The following EIF1AY variants were observed in gnomAD, a reference collection of about 807,000 sequenced individuals.
EIF1AY encodes eukaryotic translation initiation factor 1A, Y-chromosomal.
For synonymous variants in EIF1AY, 16 were observed against 9.9 expected (o/e 1.62, Z -1.16); for missense variants, 19 against 30.6 (o/e 0.62, Z 0.89).
At chrY:20,575,912 A>G (rs1399920770) in intron 1 of EIF1AY, 25 bp downstream of exon 1, 4 of 378,494 alleles carry the variant, frequency 1.1e-5, no homozygotes, top group Non-Finnish European at 1.5e-5. Context: ...CTCTGGGACT[A>G]TACCTCGGCT....
chrY:20,590,087 GGA>G (rs1171241721), intron 6 of EIF1AY, among the ~76,000 whole-genome samples: 31 of 28,107 alleles, frequency 1.1e-3, no homozygotes, highest in Admixed American at 2.3e-3. Flanking sequence ...AGGGAGAGGG[GGA>G]GAGAGAGAGA....
chrY:20,584,253 C>T (rs368046392), intron 3 of EIF1AY, among the ~76,000 whole-genome samples: 1 of 30,008 alleles, frequency 3.3e-5, no homozygotes, highest in Non-Finnish European at 7.9e-5. Flanking sequence ...GGCCTCTCTG[C>T]GTTGCCTAGG....
intron 2 of EIF1AY, 25 bp from the exon 3 acceptor site, chrY:20,582,565 C>CT (rs745312481): frequency 3.8e-5 from 13 of 345,784 alleles, no homozygotes; most frequent in African/African-American, 2.1e-4. Flanking sequence ...AGATCTCAAC[C>CT]TTTTTTTTTA....
chrY:20,578,469 A>G (rs760590100), intron 1 of EIF1AY, among the ~76,000 whole-genome samples: 2 of 33,880 alleles, frequency 5.9e-5, no homozygotes, highest in Admixed American at 5.4e-4. Flanking sequence ...CTTTGTCCTG[A>G]CGCAGCTAAG....
intron 3 of EIF1AY, among the ~76,000 whole-genome samples, chrY:20,582,943 CCAGA>C (rs2089351950): frequency 1.2e-4 from 4 of 33,666 alleles, no homozygotes; most frequent in African/African-American, 2.3e-4. Flanking sequence ...ATTGAAGAAA[CCAGA>C]CAAATCTAAT....
intron 3 of EIF1AY, among the ~76,000 whole-genome samples, chrY:20,582,959 T>C (rs767677148): frequency 5.9e-5 from 2 of 34,012 alleles, no homozygotes; most frequent in South Asian, 1.3e-3. Flanking sequence ...AAATCTAATA[T>C]ATAACACAAA....
intron 5 of EIF1AY, chrY:20,588,321 A>T (rs2089356302): frequency 1.5e-5 from 1 of 66,988 alleles, no homozygotes; most frequent in Non-Finnish European, 2.9e-5. Context: ...TATGAACTTG[A>T]AAGTAGAAGT....
At chrY:20,592,272 CTT>C in intron 6 of EIF1AY, 67 bp from the exon 7 acceptor site, 1 of 244,609 alleles carries the variant, frequency 4.1e-6, no homozygotes, top group Non-Finnish European at 6.3e-6. Flanking sequence ...CACTGGGAGT[CTT>C]TATATGCAGT....
intron 1 of EIF1AY, among the ~76,000 whole-genome samples, chrY:20,578,596 A>G (rs991964941): frequency 5.9e-5 from 2 of 33,735 alleles, no homozygotes; most frequent in African/African-American, 2.3e-4. Flanking sequence ...TGGAAGCCCA[A>G]TTGTCTTCTA....
chrY:20,584,918 G>A, intron 4 of EIF1AY, among the ~76,000 whole-genome samples: 1 of 33,278 alleles, frequency 3.0e-5, no homozygotes, highest in African/African-American at 1.2e-4. Flanking sequence ...CCAAATGCCG[G>A]TCTGTTAAAT....
At chrY:20,576,536 G>A (rs760108587) in intron 1 of EIF1AY, among the ~76,000 whole-genome samples, 3 of 33,961 alleles carry the variant, frequency 8.8e-5, no homozygotes, top group Admixed American at 5.3e-4. Flanking sequence ...TCTAAAGTAG[G>A]AGGTCTAACC....
chrY:20,590,111 A>AGAGT (rs2089358023), intron 6 of EIF1AY, among the ~76,000 whole-genome samples: 2 of 26,825 alleles, frequency 7.5e-5, no homozygotes, highest in African/African-American at 3.0e-4. Flanking sequence ...AGAGAGAGAG[A>AGAGT]GTGTGTGTGT....
chrY:20,581,583 C>T (rs2089350699), intron 2 of EIF1AY, among the ~76,000 whole-genome samples: 1 of 32,965 alleles, frequency 3.0e-5, no homozygotes, highest in African/African-American at 1.2e-4. Context: ...GCACCCGCCT[C>T]GGCCTCCCAA....
At chrY:20,584,866 G>A in intron 4 of EIF1AY, among the ~76,000 whole-genome samples, 1 of 33,428 alleles carries the variant, frequency 3.0e-5, no homozygotes, top group African/African-American at 1.2e-4. Flanking sequence ...AAGGCCAATG[G>A]TGTTTCAGGC....
At chrY:20,589,197 C>A (rs2089356943) in intron 5 of EIF1AY, 1 of 77,211 alleles carries the variant, frequency 1.3e-5, no homozygotes, top group Non-Finnish European at 2.7e-5. Flanking sequence ...GAGTCTTGCT[C>A]TGTCACCCAG....
chrY:20,587,377 C>T (rs2124357510), intron 4 of EIF1AY: 1 of 32,945 alleles, frequency 3.0e-5, no homozygotes, highest in Admixed American at 2.7e-4. Flanking sequence ...CAAGCTGCGC[C>T]TCCTGGGTTC....
At chrY:20,581,124 A>G in intron 2 of EIF1AY, among the ~76,000 whole-genome samples, 1 of 33,953 alleles carries the variant, frequency 2.9e-5, no homozygotes, top group Non-Finnish European at 7.3e-5. Context: ...TATGAAACAT[A>G]TTTTCTGGCA....
At position 20,592,428 on chromosome Y, in the gene EIF1AY, G is replaced by T; in HGVS notation, c.*82G>T. On this transcript the variant is annotated 3_prime_UTR_variant, in exon 7 of 7. Coordinates refer to ENST00000361365, the MANE Select transcript of EIF1AY (RefSeq NM_004681.4). Reference sequence around the variant, plus strand: ...TTTTGGCCATCATCAACCAAGAAGAGAAATTCATTTAGTGTGTAGTTTCTG... The same window carrying T: ...TTTTGGCCATCATCAACCAAGAAGATAAATTCATTTAGTGTGTAGTTTCTG... 1.0e-5 allele frequency: 2 copies of T among 192,970 alleles called. No homozygotes were observed. The highest frequency in any genetic ancestry group is 1.7e-5 in the Non-Finnish European group (2 of 118,438). The allele number at this position is 192,970 out of a possible 400,897, so 48.1% of individuals were successfully genotyped here.
At chrY:20,581,815 C>A (rs544754801) in intron 2 of EIF1AY, among the ~76,000 whole-genome samples, 2,837 of 33,025 alleles carry the variant, frequency 0.086, no homozygotes, top group Non-Finnish European at 0.031. Context: ...TGAAATGTGC[C>A]ACCGTGATGT....
Sources: allele counts gnomAD v4.1 joint callset (sites outside exome capture counted in the v4.1 genomes callset), GRCh38; gene constraint gnomAD v4.1.1; transcripts MANE v1.5; gene names NCBI Gene and HGNC (gene_info 2026-07-23, HGNC 2026-07-21).